PDGFRA: variants seen among roughly 807,000 people sequenced by gnomAD.
PDGFRA encodes the protein platelet-derived growth factor receptor alpha.
Under a neutral mutation model 121.5 loss-of-function variants are expected in PDGFRA, and 25 were observed. The ratio of observed to expected loss-of-function variants is 0.21; its 90% confidence interval spans 0.15 to 0.29. The LOEUF is 0.29. Ranked by LOEUF, PDGFRA falls within the 10% of genes least tolerant of loss-of-function variation. PDGFRA has a pLI of 1.00. For synonymous variants in PDGFRA, 463 were observed against 494.8 expected, an observed-to-expected ratio of 0.94 and a Z score of 0.85; for missense variants, 1,008 against 1,345.1, an observed-to-expected ratio of 0.75 and a Z score of 3.92.
Position 54,296,189 on chromosome 4 carries a change from A to G in PDGFRA, c.*917A>G, listed in dbSNP as rs1724870616. 1.7e-5 allele frequency: 4 copies of G among 232,998 alleles called. No individual in the cohort carries two copies. Among genetic ancestry groups the G allele is most frequent in the South Asian group, 1.8e-4 (1 of 5,524 alleles). 14.4% of individuals were successfully genotyped at this position (232,998 alleles called of 1,614,324 possible). The stretch of plus-strand genomic sequence containing the variant: ...TTAACTGTACTGAATAGGTTCCCCA[A>G]TCCATCGTATTAAAAAACAATTAAC... On this transcript the variant is annotated 3_prime_UTR_variant, in exon 23 of 23. Coordinates refer to ENST00000257290, the MANE Select transcript of PDGFRA (RefSeq NM_006206.6).
At chr4:54,248,752 A>G (rs1312047030) in intron 1 of PDGFRA, among the ~76,000 whole-genome samples, 2 of 152,226 alleles carry the variant, frequency 1.3e-5, no homozygotes, top group African/African-American at 4.8e-5. Flanking sequence ...CTGCACAGTG[A>G]AAGAAACTAC....
At chr4:54,270,783 T>C (rs1272644001) in intron 8 of PDGFRA, 35 bp downstream of exon 8, 2 of 1,128,376 alleles carry the variant, frequency 1.8e-6, no homozygotes, top group Non-Finnish European at 2.7e-6. Flanking sequence ...ATGCTAGCTC[T>C]GTAGATGAGT....
chr4:54,261,547 C>T, intron 3 of PDGFRA, 135 bp downstream of exon 3: 1 of 590,722 alleles, frequency 1.7e-6, no homozygotes, highest in Non-Finnish European at 2.9e-6. Flanking sequence ...CGAACACACA[C>T]AAAAATCATT....
At chr4:54,287,080 A>T (rs1724399249) in intron 18 of PDGFRA, among the ~76,000 whole-genome samples, 1 of 152,098 alleles carries the variant, frequency 6.6e-6, no homozygotes, top group African/African-American at 2.4e-5. Flanking sequence ...AGATCATTGG[A>T]TCTGTTCTTA....
At chr4:54,250,834 G>A (rs1722017086) in intron 1 of PDGFRA, among the ~76,000 whole-genome samples, 1 of 152,064 alleles carries the variant, frequency 6.6e-6, no homozygotes, top group Non-Finnish European at 1.5e-5. Flanking sequence ...GGAGGCTGAG[G>A]CAGGCAGATC....
In PDGFRA at chr4:54,261,194, T is replaced by C. The variant is rs1722684084; in HGVS notation, c.149T>C (p.Phe50Ser). The C allele has an allele frequency of 6.2e-7, 1 of 1,614,148 alleles. No homozygotes were observed. Among genetic ancestry groups the C allele is most frequent in the Admixed American group, 1.7e-5 (1 of 60,018 alleles). Reference sequence around the variant, plus strand: ...AATTCATCCTTTTCTCTGAGATGCTTTGGGGAGAGTGAAGTGAGCTGGCAG... The same window carrying C: ...AATTCATCCTTTTCTCTGAGATGCTCTGGGGAGAGTGAAGTGAGCTGGCAG... The part of the protein sequence containing the change: ...QLNSSFSLRC[F>S]GESEVSWQYP... The change falls in exon 3 of 23, where the codon TTT (phenylalanine) becomes TCT (serine). Residue 50 changes from phenylalanine to serine, a missense_variant. Transcript: ENST00000257290.
intron 16 of PDGFRA, chr4:54,281,459 C>T (rs762328005): frequency 2.4e-4 from 126 of 521,356 alleles, no homozygotes; most frequent in Non-Finnish European, 2.5e-4. Context: ...GTTCCATTCA[C>T]TTCTCATTGC....
intron 1 of PDGFRA, among the ~76,000 whole-genome samples, chr4:54,245,017 A>G (rs995794132): frequency 6.6e-6 from 1 of 152,208 alleles, no homozygotes; most frequent in Non-Finnish European, 1.5e-5. Context: ...AAGTTTAAAG[A>G]AAAAAGAATA....
chr4:54,243,826 A>T (rs2110195842), intron 1 of PDGFRA, among the ~76,000 whole-genome samples: 1 of 152,350 alleles, frequency 6.6e-6, no homozygotes, highest in East Asian at 1.9e-4. Context: ...GAAAGGGGTG[A>T]CAGACGGCAC....
intron 22 of PDGFRA, among the ~76,000 whole-genome samples, chr4:54,294,878 T>A (rs1724799897): frequency 6.6e-6 from 1 of 152,126 alleles, no homozygotes; most frequent in Non-Finnish European, 1.5e-5. Context: ...TAGAAATTCT[T>A]GCAGCTTGTC....
chr4:54,274,020 C>T (rs1723565060), intron 10 of PDGFRA, among the ~76,000 whole-genome samples: 1 of 152,250 alleles, frequency 6.6e-6, no homozygotes, highest in East Asian at 1.9e-4. Context: ...TGCAGAGGCC[C>T]CTCAACATTT....
At chr4:54,257,175 A>G (rs550647174) in intron 1 of PDGFRA, among the ~76,000 whole-genome samples, 1 of 152,340 alleles carries the variant, frequency 6.6e-6, no homozygotes, top group East Asian at 1.9e-4. Context: ...ATGCTAAAAG[A>G]TACCACCAGC....
rs5858264 is a variant in PDGFRA at position 54,284,879 on chromosome 4, C to CTTTTTTTTTTTTT, written c.2324-482_2324-470dup. Among the ~76,000 whole-genome samples, 18 of 101,248 alleles carry CTTTTTTTTTTTTT rather than the reference C, an allele frequency of 1.8e-4. 3 individuals are homozygous for CTTTTTTTTTTTTT. Among genetic ancestry groups the CTTTTTTTTTTTTT allele is most frequent in the Admixed American group, 3.9e-4 (3 of 7,696 alleles). The allele number at this position is 101,248 out of a possible 152,430, so 66.4% of individuals were successfully genotyped here. A position where few individuals can be genotyped will look rare whatever the true frequency, so the allele number is the denominator to read the frequency against. On this transcript the variant is annotated intron_variant, in intron 16 of 22. Coordinates refer to ENST00000257290, the MANE Select transcript of PDGFRA (RefSeq NM_006206.6). ...CTTTCCTTTCTTTCATTCTTTCTAT[C>CTTTTTTTTTTTTT]TTTTTTTTTTTTTTTTTTTTTTGAG...
chr4:54,239,873 T>G (rs1186834610), intron 1 of PDGFRA, among the ~76,000 whole-genome samples: 1 of 152,136 alleles, frequency 6.6e-6, no homozygotes, highest in Non-Finnish European at 1.5e-5. Context: ...TTTTTAGAGA[T>G]AGCATCTCGC....
intron 1 of PDGFRA, among the ~76,000 whole-genome samples, chr4:54,249,294 G>T (rs1393451663): frequency 6.6e-6 from 1 of 152,134 alleles, no homozygotes; most frequent in African/African-American, 2.4e-5. Context: ...GTATATACCC[G>T]AAGGATTATA....
intron 1 of PDGFRA, among the ~76,000 whole-genome samples, chr4:54,250,528 ACTC>A (rs760720521): frequency 6.6e-6 from 1 of 152,090 alleles, no homozygotes; most frequent in East Asian, 1.9e-4. Flanking sequence ...ATTATGCAAA[ACTC>A]CTATAATTCT....
rs368855821 is a variant in PDGFRA, at chr4:54,267,501, C to T, written c.931+41C>T. 156 of 1,613,474 alleles carry T rather than the reference C, an allele frequency of 9.7e-5. 1 individual carries two copies. The South Asian group carries it at 1.3e-3, about 13-fold the overall frequency. On this transcript the variant is annotated intron_variant, in intron 6 of 22. Coordinates refer to ENST00000257290, the MANE Select transcript of PDGFRA (RefSeq NM_006206.6). Reference sequence around the variant, plus strand: ...TAAAATGTCAGTTGTCCATGCTGCTCGGGATCCATATGTGGTAATCATTAT... The same window carrying T: ...TAAAATGTCAGTTGTCCATGCTGCTTGGGATCCATATGTGGTAATCATTAT...
chr4:54,258,884 TG>T, intron 2 of PDGFRA, 67 bp downstream of exon 2: 1 of 1,274,774 alleles, frequency 7.8e-7, no homozygotes, highest in South Asian at 1.2e-5. Context: ...TTGTGCTGCA[TG>T]GGTTTATTAC....
chr4:54,266,594 A>G (rs1337281787), intron 5 of PDGFRA, among the ~76,000 whole-genome samples: 1 of 152,146 alleles, frequency 6.6e-6, no homozygotes, highest in Non-Finnish European at 1.5e-5. Flanking sequence ...ATAAACATTG[A>G]ATAATAGGTG....
Sources: gnomAD v4.1 joint callset for allele counts (sites outside exome capture counted in the v4.1 genomes callset) on GRCh38, gnomAD v4.1.1 for gene constraint, MANE v1.5 for transcripts, NCBI Gene and HGNC (gene_info 2026-07-23, HGNC 2026-07-21) for gene names.